Variants in DIDO1 observed in about 807,000 individuals in gnomAD.
The protein encoded by DIDO1 is death inducer-obliterator 1.
DIDO1 carries 16 observed loss-of-function variants against 99.4 expected under a neutral mutation model. That is an observed-to-expected ratio of 0.16 (90% CI 0.11 to 0.24). The LOEUF is 0.24. Ranked by LOEUF, DIDO1 falls within the 10% of genes least tolerant of loss-of-function variation. The pLI, the probability that DIDO1 is intolerant of heterozygous loss-of-function variation, is 1.00. For synonymous variants in DIDO1, 1,366 were observed against 1,239.1 expected (o/e 1.10, Z -2.15); for missense variants, 2,996 against 3,014.0 (o/e 0.99, Z 0.14).
chr20:62,888,235 C>A (rs973918280), intron 15 of DIDO1: 2 of 985,394 alleles, frequency 2.0e-6, no homozygotes, highest in East Asian at 2.3e-4. Context: ...GGCATGGACA[C>A]CTGCAATTGT....
chr20:62,903,517 C>A (rs961210317), intron 6 of DIDO1, among the ~76,000 whole-genome samples: 6 of 152,266 alleles, frequency 3.9e-5, no homozygotes, highest in Admixed American at 3.9e-4. Context: ...GGGCAGGGGC[C>A]TCAAAGGCAT....
intron 1 of DIDO1, among the ~76,000 whole-genome samples, chr20:62,936,913 G>C (rs1340812147): frequency 1.3e-5 from 2 of 152,232 alleles, no homozygotes; most frequent in African/African-American, 4.8e-5. Flanking sequence ...GGGTTATGTA[G>C]TTGCAAATGA....
At chr20:62,901,136 C>G (rs1057318480) in intron 6 of DIDO1, among the ~76,000 whole-genome samples, 1 of 152,206 alleles carries the variant, frequency 6.6e-6, no homozygotes, top group African/African-American at 2.4e-5. Context: ...TGCGGGGAAA[C>G]AGTTACTTCC....
intron 6 of DIDO1, among the ~76,000 whole-genome samples, chr20:62,899,614 T>C (rs1281286519): frequency 6.6e-6 from 1 of 152,226 alleles, no homozygotes; most frequent in Non-Finnish European, 1.5e-5. Flanking sequence ...ACGTAATTTA[T>C]TTTAAAAGCA....
In DIDO1 at chr20:62,893,813, C is replaced by T. The variant is rs115976084; in HGVS notation, c.2954G>A (p.Arg985His). 1.2e-4 allele frequency: 187 copies of T among 1,614,040 alleles called. No homozygotes were observed. In the African/African-American group the frequency reaches 1.8e-3, roughly 16 times the overall value. ...TTCCACCATGTGGGTGCTGTCTGGG[C>T]GGGATGCTGCGGAGGCCACGGCTGT... is the stretch of plus-strand genomic sequence containing the variant. ...SCTAVASAAS[R>H]PDSTHMVEAR... is the part of the protein sequence containing the mutation. Residue 985 changes from arginine (R) to histidine (H), a missense_variant, in exon 12 of 16, where the codon CGC becomes CAC. Physicochemically the swap from Arg to His is conservative, Grantham distance 29. Transcript: ENST00000395343.
At position 62,894,350 on chromosome 20, in the gene DIDO1, T is replaced by C. The variant is rs539291349; in HGVS notation, c.2572+63A>G. ...GTGCGGTTGCTTTTAGGAGGTTCAG[T>C]GATTTTTAACAAAATCAAGTTTAGT... On this transcript the variant is annotated intron_variant, in intron 11 of 15. Coordinates refer to ENST00000395343, the MANE Select transcript of DIDO1 (RefSeq NM_001193369.2). This position sits in a 1 kb window ranked among gnomAD's most constrained non-coding sequence, Gnocchi z 4.4. 6.3e-7 allele frequency: 1 copy of C among 1,593,568 alleles called. No individual in the cohort carries two copies. The highest frequency in any genetic ancestry group is 2.2e-5 in the East Asian group (1 of 44,612).
intron 1 of DIDO1, among the ~76,000 whole-genome samples, chr20:62,918,590 TAAAAC>T (rs1259381959): frequency 6.6e-6 from 1 of 152,182 alleles, no homozygotes; most frequent in Non-Finnish European, 1.5e-5. Context: ...AGCAAAAAGA[TAAAAC>T]AAAAATGCAT....
chr20:62,897,017 G>A (rs200275994), intron 6 of DIDO1, 21 bp from the exon 7 acceptor site: 75 of 1,595,094 alleles, frequency 4.7e-5, no homozygotes, highest in Non-Finnish European at 5.4e-5. Context: ...GAACACAGGC[G>A]CTGAGTAAGG....
chr20:62,880,301 C>T lies in DIDO1; in HGVS notation c.5655G>A (p.Ala1885=), dbSNP rs533380042. ...TTCTCTGGCCTCCGAACTGGAAAGG[C>T]GCGCCGCCTCTGCTTCCCAGAAATG... ...QAPFLGSRGG[A]PFQFGGQRRP... The change falls in exon 16 of 16, where the codon GCG becomes GCA. Residue 1885 remains alanine (A), a synonymous_variant. Coordinates refer to ENST00000395343, the MANE Select transcript of DIDO1 (RefSeq NM_001193369.2). 2.5e-5 allele frequency: 40 copies of T among 1,612,752 alleles called. 1 individual carries two copies. The South Asian group carries it at 3.8e-4, about 15-fold the overall frequency.
In DIDO1 at chr20:62,881,433, C is replaced by A; in HGVS notation, c.4523G>T (p.Gly1508Val). The change falls in exon 16 of 16, where the codon GGG becomes GTG. Residue 1508 changes from glycine (G) to valine (V), a missense_variant. Physicochemically the swap from Gly to Val is moderately radical, Grantham distance 109 (BLOSUM62 -3). Transcript: ENST00000395343. This position sits in a 1 kb window ranked among gnomAD's most constrained non-coding sequence, Gnocchi z 8.3. ...EALRQQRAAVGVSMAHFSVSD... is the reference protein window; with the variant it reads ...EALRQQRAAVVVSMAHFSVSD... ...CACCGAGAAGTGGGCCATGGAGACC[C>A]CGACGGCGGCCCTCTGCTGCCTGAG... The A allele has an allele frequency of 3.1e-6, 5 of 1,608,800 alleles. No homozygotes were observed. The highest frequency in any genetic ancestry group is 4.2e-6 in the Non-Finnish European group (5 of 1,179,986).
intron 6 of DIDO1, among the ~76,000 whole-genome samples, chr20:62,898,109 G>A (rs763327277): frequency 4.6e-5 from 7 of 152,188 alleles, no homozygotes; most frequent in East Asian, 1.9e-4. Flanking sequence ...TCCCAAGAGC[G>A]CTTCAGTTCT....
intron 4 of DIDO1, among the ~76,000 whole-genome samples, chr20:62,909,149 G>A (rs1325338202): frequency 1.3e-5 from 2 of 152,246 alleles, no homozygotes; most frequent in Admixed American, 1.3e-4. Flanking sequence ...GTGGGGACAG[G>A]CCCGGGACCC....
chr20:62,906,224 A>G, intron 5 of DIDO1, 124 bp from the exon 6 acceptor site: 1 of 1,264,048 alleles, frequency 7.9e-7, no homozygotes, highest in South Asian at 1.5e-5. Flanking sequence ...CCCTGCACCC[A>G]TCCTGCGCCT....
chr20:62,928,117 T>C (rs1160769714), upstream of DIDO1, among the ~76,000 whole-genome samples: 1 of 152,212 alleles, frequency 6.6e-6, no homozygotes, highest in East Asian at 1.9e-4. Context: ...TCTCTTTAGC[T>C]GAGGATCTTT....
At chr20:62,899,616 T>G (rs2147435975) in intron 6 of DIDO1, among the ~76,000 whole-genome samples, 1 of 152,320 alleles carries the variant, frequency 6.6e-6, no homozygotes, top group East Asian at 1.9e-4. Flanking sequence ...GTAATTTATT[T>G]TAAAAGCAGG....
intron 15 of DIDO1, chr20:62,890,402 A>G (rs2064373494): frequency 1.0e-6 from 1 of 988,960 alleles, no homozygotes; most frequent in South Asian, 4.6e-5. Flanking sequence ...GTTTAAATAC[A>G]GTACTTTCCA....
At position 62,888,448 on chromosome 20, in the gene DIDO1, T is replaced by C. The variant is rs537267404; in HGVS notation, c.3541+2512A>G. 2.1e-5 allele frequency: 21 copies of C among 985,492 alleles called. No individual in the cohort carries two copies. In the South Asian group the frequency reaches 5.2e-4, roughly 24 times the overall value. The allele number at this position is 985,492 out of a possible 1,614,324, so 61.0% of individuals were successfully genotyped here. A position where few individuals can be genotyped will look rare whatever the true frequency, so the allele number is the denominator to read the frequency against. Reference sequence around the variant, plus strand: ...GCCGCAGAGAACTGAGGCTGTGGAATGGAGCTGGGTCCTGCAGACCCTCAC... The same window carrying C: ...GCCGCAGAGAACTGAGGCTGTGGAACGGAGCTGGGTCCTGCAGACCCTCAC... On this transcript the variant is annotated intron_variant, in intron 15 of 15. Transcript: ENST00000395343.
intron 2 of DIDO1, among the ~76,000 whole-genome samples, chr20:62,912,096 A>T (rs973676350): frequency 6.6e-6 from 1 of 152,340 alleles, no homozygotes; most frequent in African/African-American, 2.4e-5. Context: ...AAAGGGACCC[A>T]AGTCTGTTCT....
chr20:62,899,360 G>C (rs773374591), intron 6 of DIDO1, among the ~76,000 whole-genome samples: 1 of 152,206 alleles, frequency 6.6e-6, no homozygotes, highest in Non-Finnish European at 1.5e-5. Flanking sequence ...TATCTTTAAT[G>C]ATGTTTAACG....
Sources: gnomAD v4.1 joint callset for allele counts (sites outside exome capture counted in the v4.1 genomes callset) on GRCh38, gnomAD v4.1.1 for gene constraint, Gnocchi (gnomAD v3.1) non-coding constraint, MANE v1.5 for transcripts, NCBI Gene and HGNC (gene_info 2026-07-23, HGNC 2026-07-21) for gene names.